The following WWOX variants were observed in gnomAD, a reference collection of about 807,000 sequenced individuals.
WWOX encodes the protein WW domain-containing oxidoreductase.
WWOX carries 69 observed loss-of-function variants against 46.2 expected under a neutral mutation model. That is an observed-to-expected ratio of 1.49 (90% CI 1.23 to 1.82). The LOEUF is 1.82. Ranked by LOEUF, WWOX falls within the 40% of genes most tolerant of loss-of-function variation. The pLI is 0.00. For missense variants in WWOX, 919 were observed against 542.6 expected (o/e 1.69, Z -6.89); for synonymous variants, 359 against 202.6 (o/e 1.77, Z -6.56).
At chr16:79,200,385 T>C (rs1428831592) in intron 8 of WWOX, among the ~76,000 whole-genome samples, 1 of 151,980 alleles carries the variant, frequency 6.6e-6, no homozygotes, top group Admixed American at 6.6e-5. Flanking sequence ...GGGTATAGAG[T>C]ATGGAGTTAG....
intron 5 of WWOX, among the ~76,000 whole-genome samples, chr16:78,237,924 A>C (rs1010648208): frequency 6.6e-6 from 1 of 152,218 alleles, no homozygotes; most frequent in African/African-American, 2.4e-5. Flanking sequence ...GATGTCCAAC[A>C]ACAATTTTCA....
chr16:78,278,041 A>G (rs1423496623), intron 5 of WWOX, among the ~76,000 whole-genome samples: 3 of 152,166 alleles, frequency 2.0e-5, no homozygotes, highest in Admixed American at 2.0e-4. Flanking sequence ...GTGGGGGACA[A>G]AGCAATGAAA....
At chr16:78,122,667 T>G (rs2033155166) in intron 4 of WWOX, among the ~76,000 whole-genome samples, 1 of 151,608 alleles carries the variant, frequency 6.6e-6, no homozygotes, top group South Asian at 2.1e-4. Context: ...TGCAGTGGCG[T>G]GATCTCAGCT....
intron 8 of WWOX, among the ~76,000 whole-genome samples, chr16:79,176,273 T>C (rs72797434): frequency 1.3e-5 from 2 of 152,202 alleles, no homozygotes; most frequent in African/African-American, 4.8e-5. Context: ...GACTCAGGGA[T>C]CCAGGCTGCA....
intron 8 of WWOX, among the ~76,000 whole-genome samples, chr16:78,491,214 CTGGGCCAT>C (rs1326808244): frequency 8.5e-5 from 13 of 152,180 alleles, no homozygotes; most frequent in African/African-American, 4.8e-5. Context: ...CTTTACTCAC[CTGGGCCAT>C]TAATCACCTT....
intron 8 of WWOX, among the ~76,000 whole-genome samples, chr16:78,679,087 G>A (rs2047669683): frequency 6.6e-6 from 1 of 152,210 alleles, no homozygotes; most frequent in South Asian, 2.1e-4. Context: ...GTGAAGCTGA[G>A]GCTGGTGCAG....
At chr16:78,548,118 G>T (rs1371835107) in intron 8 of WWOX, among the ~76,000 whole-genome samples, 1 of 137,162 alleles carries the variant, frequency 7.3e-6, no homozygotes, top group East Asian at 2.2e-4. Context: ...TCACACCACT[G>T]CACTCCAGCC....
chr16:78,983,677 A>G (rs1270357856), intron 8 of WWOX, among the ~76,000 whole-genome samples: 3 of 152,144 alleles, frequency 2.0e-5, no homozygotes, highest in Non-Finnish European at 2.9e-5. Context: ...GGATGAAACT[A>G]GTCTTGATCC....
intron 6 of WWOX, among the ~76,000 whole-genome samples, chr16:78,423,992 T>C (rs958500752): frequency 1.3e-5 from 2 of 152,044 alleles, no homozygotes; most frequent in Non-Finnish European, 2.9e-5. Flanking sequence ...TGTGCCCTTC[T>C]CTTTACACAG....
chr16:78,536,397 A>T (rs1009197541), intron 8 of WWOX, among the ~76,000 whole-genome samples: 2 of 151,786 alleles, frequency 1.3e-5, no homozygotes, highest in African/African-American at 4.8e-5. Flanking sequence ...AAGATAATGT[A>T]ATCTGCCCCG....
At chr16:78,921,620 A>G (rs1029873122) in intron 8 of WWOX, among the ~76,000 whole-genome samples, 2 of 152,178 alleles carry the variant, frequency 1.3e-5, no homozygotes, top group African/African-American at 4.8e-5. Flanking sequence ...GGGAGGTTAC[A>G]TGGATTCTGG....
intron 8 of WWOX, among the ~76,000 whole-genome samples, chr16:78,475,147 G>A (rs919642414): frequency 1.3e-5 from 2 of 152,156 alleles, no homozygotes; most frequent in African/African-American, 4.8e-5. Flanking sequence ...GTAGGGACAT[G>A]CAAAACAAAG....
chr16:78,760,320 A>G (rs2049760797), intron 8 of WWOX, among the ~76,000 whole-genome samples: 1 of 152,328 alleles, frequency 6.6e-6, no homozygotes, highest in African/African-American at 2.4e-5. Flanking sequence ...CTCCCACAAC[A>G]TGTGGGAATT....
chr16:78,403,612 C>T (rs1682768029), intron 6 of WWOX, among the ~76,000 whole-genome samples: 1 of 152,072 alleles, frequency 6.6e-6, no homozygotes, highest in African/African-American at 2.4e-5. Context: ...TCAGGAGGCC[C>T]AGGTATTATT....
chr16:79,058,849 C>G (rs977807801), intron 8 of WWOX, among the ~76,000 whole-genome samples: 1 of 152,116 alleles, frequency 6.6e-6, no homozygotes, highest in African/African-American at 2.4e-5. Context: ...TTTTTATTTG[C>G]TAACTCTGGA....
At chr16:78,802,311 G>T (rs952586298) in intron 8 of WWOX, among the ~76,000 whole-genome samples, 1 of 145,384 alleles carries the variant, frequency 6.9e-6, no homozygotes, top group East Asian at 2.1e-4. Flanking sequence ...TCCCAGCAAT[G>T]CTATAGGACA....
chr16:78,637,441 C>CAAA (rs11426631), intron 8 of WWOX, among the ~76,000 whole-genome samples: 13 of 139,382 alleles, frequency 9.3e-5, no homozygotes, highest in Admixed American at 2.2e-4. Flanking sequence ...AACTCTGTCT[C>CAAA]AAAAAAAAAA....
intron 5 of WWOX, among the ~76,000 whole-genome samples, chr16:78,193,088 C>G (rs1429431806): frequency 6.6e-6 from 1 of 152,226 alleles, no homozygotes; most frequent in Non-Finnish European, 1.5e-5. Context: ...GAGATGTCAT[C>G]AGGGCCTGCA....
In WWOX at chr16:79,032,732, G is replaced by A. The variant is rs376704401; in HGVS notation, c.1057-178876G>A. On this transcript the variant is annotated intron_variant, in intron 8 of 8. Transcript: ENST00000566780. ...TTCTTGAACTCCTGAACCAGCCTTA[G>A]ATTGCCTAGTACCAGGGTTCTTCTT... 1.6e-3 allele frequency among the ~76,000 whole-genome samples: 247 copies of A among 151,178 alleles called. 3 individuals are homozygous for A. The South Asian group carries it at 0.045, about 27-fold the overall frequency.
Sources: gnomAD v4.1 joint callset for allele counts (sites outside exome capture counted in the v4.1 genomes callset) on GRCh38, gnomAD v4.1.1 for gene constraint, MANE v1.5 for transcripts, NCBI Gene and HGNC (gene_info 2026-07-23, HGNC 2026-07-21) for gene names.